The following SLC29A3 variants were observed in gnomAD, a reference collection of about 807,000 sequenced individuals.
The protein encoded by SLC29A3 is solute carrier family 29 member 3, also known as equilibrative nucleoside transporter 3.
SLC29A3 carries 18 observed loss-of-function variants against 25.4 expected under a neutral mutation model. That is an observed-to-expected ratio of 0.71 (90% CI 0.49 to 1.05). The LOEUF (loss-of-function observed/expected upper bound fraction) is 1.05, where lower values mean the gene tolerates loss of function less well. Ranked by LOEUF, SLC29A3 falls within the 50% of genes least tolerant of loss-of-function variation. SLC29A3 has a pLI of 0.00. For missense variants in SLC29A3, 586 were observed against 609.0 expected (o/e 0.96, Z 0.40); for synonymous variants, 258 against 267.1 (o/e 0.97, Z 0.33).
intron 3 of SLC29A3, among the ~76,000 whole-genome samples, chr10:71,373,381 C>T (rs990502853): frequency 1.3e-5 from 2 of 152,156 alleles, no homozygotes; most frequent in South Asian, 2.1e-4. Context: ...GTGAGGATGT[C>T]GGGAAATTTC....
At chr10:71,359,020 C>G (rs905106215) in intron 5 of SLC29A3, among the ~76,000 whole-genome samples, 3 of 152,174 alleles carry the variant, frequency 2.0e-5, no homozygotes, top group Non-Finnish European at 4.4e-5. Flanking sequence ...AAGCGATCCT[C>G]AAGTTAGCCT....
At chr10:71,370,067 G>GCA (rs1847200074) in intron 3 of SLC29A3, among the ~76,000 whole-genome samples, 1 of 152,164 alleles carries the variant, frequency 6.6e-6, no homozygotes, top group Admixed American at 6.5e-5. Context: ...TTCTATGGTG[G>GCA]CACTGATGGG....
chr10:71,346,013 A>G (rs1280472657), intron 3 of SLC29A3, among the ~76,000 whole-genome samples: 2 of 152,176 alleles, frequency 1.3e-5, no homozygotes, highest in Non-Finnish European at 2.9e-5. Flanking sequence ...CAAGAGTGTA[A>G]TGCCTCGATC....
downstream of SLC29A3, chr10:71,363,484 G>A (rs1847123890): frequency 2.6e-6 from 1 of 385,518 alleles, no homozygotes; most frequent in Non-Finnish European, 5.1e-6. Flanking sequence ...TTATTATTGA[G>A]ACAAGATATT....
rs79737301 is a variant in SLC29A3 at position 71,362,022 on chromosome 10, T to C, written c.842T>C (p.Leu281Pro). 9.0e-3 allele frequency: 14,564 copies of C among 1,614,112 alleles called. 157 individuals are homozygous for C. The highest frequency in any genetic ancestry group is 0.046 in the African/African-American group (3,462 of 75,002). The change falls in exon 6 of 6, where the codon CTC (leucine) becomes CCC (proline). Residue 281 changes from leucine to proline, a missense_variant. Transcript: ENST00000373189. ...GAAGAGGAGCTTCCCCAGGACTCCC[T>C]CAGTGCCCCTTCGGTGGCCTCCAGA... ...SGEEELPQDS[L>P]SAPSVASRFI...
chr10:71,348,556 A>G (rs1846658720), intron 3 of SLC29A3, among the ~76,000 whole-genome samples: 1 of 152,098 alleles, frequency 6.6e-6, no homozygotes, highest in Non-Finnish European at 1.5e-5. Context: ...TCCAGCTGCT[A>G]GGAGAGGGTG....
intron 2 of SLC29A3, among the ~76,000 whole-genome samples, chr10:71,325,952 T>C (rs935894106): frequency 1.4e-5 from 2 of 143,854 alleles, no homozygotes; most frequent in Admixed American, 1.4e-4. Context: ...GGTCTTGCAC[T>C]GTCACCCAGG....
downstream of SLC29A3, among the ~76,000 whole-genome samples, chr10:71,367,575 C>T (rs563084415): frequency 2.0e-5 from 3 of 152,328 alleles, no homozygotes; most frequent in African/African-American, 7.2e-5. Context: ...GCACAGTGCA[C>T]ACCCCCTACT....
intron 3 of SLC29A3, among the ~76,000 whole-genome samples, chr10:71,349,314 C>T (rs537720786): frequency 1.2e-4 from 18 of 152,162 alleles, no homozygotes; most frequent in Non-Finnish European, 2.6e-4. Context: ...CTGCACCACC[C>T]CTGGGCTCCG....
At chr10:71,338,125 C>T (rs956029804) in intron 2 of SLC29A3, among the ~76,000 whole-genome samples, 1 of 152,198 alleles carries the variant, frequency 6.6e-6, no homozygotes, top group Admixed American at 6.5e-5. Context: ...CCCCCATGCC[C>T]ACCCTGGGCC....
chr10:71,335,689 C>T (rs1053992785), intron 2 of SLC29A3, among the ~76,000 whole-genome samples: 8 of 152,076 alleles, frequency 5.3e-5, no homozygotes, highest in African/African-American at 7.2e-5. Flanking sequence ...AGGAGGATGA[C>T]CATGGGGCCT....
At chr10:71,326,235 T>A (rs1845962321) in intron 2 of SLC29A3, among the ~76,000 whole-genome samples, 1 of 152,148 alleles carries the variant, frequency 6.6e-6, no homozygotes, top group African/African-American at 2.4e-5. Context: ...TCTGGTATGT[T>A]AAAGGAAGAT....
chr10:71,375,254 G>A (rs142629684), intron 3 of SLC29A3, among the ~76,000 whole-genome samples: 195 of 152,146 alleles, frequency 1.3e-3, no homozygotes, highest in African/African-American at 4.5e-3. Flanking sequence ...TGCGGCCACC[G>A]TTTCTCCACA....
intron 5 of SLC29A3, among the ~76,000 whole-genome samples, chr10:71,356,686 C>T (rs991201503): frequency 4.6e-5 from 7 of 152,214 alleles, no homozygotes; most frequent in Admixed American, 4.6e-4. Context: ...ATTAGCTGGG[C>T]ATGGCCGCAT....
At chr10:71,325,749 T>C (rs1845949984) in intron 2 of SLC29A3, among the ~76,000 whole-genome samples, 1 of 151,976 alleles carries the variant, frequency 6.6e-6, no homozygotes, top group African/African-American at 2.4e-5. Flanking sequence ...CCTGGGAGCT[T>C]GTTAGTGATG....
Position 71,343,671 on chromosome 10 carries a change from C to T in SLC29A3, c.301-538C>T, listed in dbSNP as rs905771691. On this transcript the variant is annotated intron_variant, in intron 2 of 5. Transcript: ENST00000373189. ...TGGTTGGGTCACAAGAAAACCCAAG[C>T]GAGCGGTGCCTCATGCCTGTAATAC... is the stretch of plus-strand genomic sequence containing the variant. Among the ~76,000 whole-genome samples, 10 of 152,216 alleles carry T rather than the reference C, an allele frequency of 6.6e-5. No individual in the cohort carries two copies. In the East Asian group the frequency reaches 1.2e-3, roughly 18 times the overall value.
intron 3 of SLC29A3, among the ~76,000 whole-genome samples, chr10:71,350,966 A>G (rs558828147): frequency 6.6e-6 from 1 of 152,332 alleles, no homozygotes; most frequent in African/African-American, 2.4e-5. Flanking sequence ...TGCCTAGAAG[A>G]GTGCTAGAAA....
chr10:71,326,462 A>G (rs1298793224), intron 2 of SLC29A3, among the ~76,000 whole-genome samples: 1 of 152,138 alleles, frequency 6.6e-6, no homozygotes, highest in African/African-American at 2.4e-5. Context: ...GTGCTTTACA[A>G]TCCGCTTTTA....
At chr10:71,344,051 G>C (rs1473523496) in intron 2 of SLC29A3, among the ~76,000 whole-genome samples, 158 bp from the exon 3 acceptor site, 5 of 152,150 alleles carry the variant, frequency 3.3e-5, no homozygotes, top group Non-Finnish European at 1.5e-5. Context: ...CTGGAGATGG[G>C]GTGGGGCCTT....
Sources: gnomAD v4.1 joint callset for allele counts (sites outside exome capture counted in the v4.1 genomes callset) on GRCh38, gnomAD v4.1.1 for gene constraint, MANE v1.5 for transcripts, NCBI Gene and HGNC (gene_info 2026-07-23, HGNC 2026-07-21) for gene names.